The following RHBG variants were observed in gnomAD, a reference collection of about 807,000 sequenced individuals.
RHBG encodes the protein ammonium transporter Rh type B.
Under a neutral mutation model 40.1 loss-of-function variants are expected in RHBG, and 39 were observed. That is an observed-to-expected ratio of 0.97 (90% CI 0.75 to 1.27). RHBG has a LOEUF of 1.27. RHBG is among the 50% of genes most tolerant of loss of function. The pLI is 0.00. For missense variants in RHBG, 549 were observed against 588.1 expected (o/e 0.93, Z 0.69); for synonymous variants, 237 against 252.5 (o/e 0.94, Z 0.58).
intron 1 of RHBG, among the ~76,000 whole-genome samples, chr1:156,373,529 C>A (rs1202310755): frequency 1.3e-5 from 2 of 152,118 alleles, no homozygotes; most frequent in Non-Finnish European, 2.9e-5. Flanking sequence ...TGAGAGGTTG[C>A]CTTATTTCTT....
intron 4 of RHBG, 133 bp downstream of exon 4, chr1:156,378,532 CTG>C: frequency 9.2e-7 from 1 of 1,083,122 alleles, no homozygotes; most frequent in East Asian, 2.5e-5. Flanking sequence ...TTGGATTCTG[CTG>C]TGAGAGCTCT....
intron 1 of RHBG, among the ~76,000 whole-genome samples, chr1:156,376,792 C>T (rs1019548049): frequency 3.3e-5 from 5 of 152,084 alleles, no homozygotes; most frequent in African/African-American, 1.2e-4. Context: ...ATGATCATGC[C>T]GCTGCACTCT....
chr1:156,373,794 G>A (rs1322178976), intron 1 of RHBG, among the ~76,000 whole-genome samples: 1 of 152,176 alleles, frequency 6.6e-6, no homozygotes, highest in Non-Finnish European at 1.5e-5. Context: ...CTGTCCTTGA[G>A]CACAAGAATA....
chr1:156,382,237 C>T (rs754255218), intron 7 of RHBG, 36 bp downstream of exon 7: 2 of 1,613,376 alleles, frequency 1.2e-6, no homozygotes, highest in Non-Finnish European at 1.7e-6. Context: ...CAGTCGTCAT[C>T]CATCTGGAAT....
chr1:156,374,479 G>T, intron 1 of RHBG: 3 of 283,770 alleles, frequency 1.1e-5, no homozygotes, highest in Non-Finnish European at 1.4e-5. Flanking sequence ...CTTTTTTTTA[G>T]CTTCCACATA....
chr1:156,384,905 AG>A lies in RHBG; in HGVS notation c.*62del. ...TCGAAGATGCTGACTGGCTGCTACT[AG>A]GAAGTTCTTTTTGAGCTCCCATTCC... On this transcript the variant is annotated 3_prime_UTR_variant, in exon 10 of 10. Transcript: ENST00000537040. The A allele has an allele frequency of 8.7e-7, 1 of 1,143,172 alleles. No homozygotes were observed. The highest frequency in any genetic ancestry group is 1.3e-6 in the Non-Finnish European group (1 of 782,346). 70.8% of individuals were successfully genotyped at this position (1,143,172 alleles called of 1,614,324 possible).
At position 156,369,231 on chromosome 1, in the gene RHBG, C is replaced by A; in HGVS notation, c.-19C>A. 1 of 1,606,808 alleles carries A rather than the reference C, an allele frequency of 6.2e-7. No individual in the cohort carries two copies. Among genetic ancestry groups the A allele is most frequent in the South Asian group, 1.1e-5 (1 of 90,580 alleles). ...TCTGCCAAAGCCTGCGAGCGCCAGC[C>A]GAGATCGCAGCCCAACCCATGGCCG... On this transcript the variant is annotated 5_prime_UTR_variant, in exon 1 of 10. Transcript: ENST00000537040.
In RHBG at chr1:156,377,618, G is replaced by C. The variant is rs1048084439; in HGVS notation, c.374+131G>C. 1.0e-6 allele frequency: 1 copy of C among 959,402 alleles called. No individual in the cohort carries two copies. Among genetic ancestry groups the C allele is most frequent in the East Asian group, 2.6e-5 (1 of 38,092 alleles). The allele number at this position is 959,402 out of a possible 1,614,324, so 59.4% of individuals were successfully genotyped here. On this transcript the variant is annotated intron_variant, in intron 2 of 9. Transcript: ENST00000537040. The surrounding 1 kb of genome is among the most constrained non-coding windows in gnomAD (Gnocchi z 4.6). Reference sequence around the variant, plus strand: ...TTCTGGGCGTCACTTGGTTTCTCTAGGTGTCCTGCCTGTCCTTATTGCCTG... The same window carrying C: ...TTCTGGGCGTCACTTGGTTTCTCTACGTGTCCTGCCTGTCCTTATTGCCTG...
At position 156,384,099 on chromosome 1, in the gene RHBG, G is replaced by T. The variant is rs533009936; in HGVS notation, c.1235-428G>T. Among the ~76,000 whole-genome samples the T allele has an allele frequency of 1.4e-4, 21 of 152,224 alleles. No homozygotes were observed. The South Asian group carries it at 3.3e-3, about 24-fold the overall frequency. ...CCCATCTGCCTCAGCCTCCCAAAGT[G>T]CTGGGATTATAGGCGTGAGCCACTG... On this transcript the variant is annotated intron_variant, in intron 8 of 9. Transcript: ENST00000537040.
chr1:156,374,564 G>A (rs2101764393), intron 1 of RHBG: 1 of 432,588 alleles, frequency 2.3e-6, no homozygotes, highest in South Asian at 1.6e-5. Flanking sequence ...TTCCATCCAT[G>A]TTGCCACGAA....
rs1454023084 is a variant in RHBG at position 156,384,947 on chromosome 1, G to T, written c.*102G>T. ...CTCCCATTCCTCCAGCTGCAAGAAG[G>T]GAGCCATGAGCCAGAAGGAGGCCCC... On this transcript the variant is annotated 3_prime_UTR_variant, in exon 10 of 10. Coordinates refer to ENST00000537040, the MANE Select transcript of RHBG (RefSeq NM_020407.5). The T allele has an allele frequency of 9.5e-6, 7 of 739,342 alleles. No homozygotes were observed. In the East Asian group the frequency reaches 1.9e-4, roughly 20 times the overall value. The allele number at this position is 739,342 out of a possible 1,614,324, so 45.8% of individuals were successfully genotyped here. A position where few individuals can be genotyped will look rare whatever the true frequency, so the allele number is the denominator to read the frequency against.
chr1:156,380,380 C>T (rs914264306), intron 4 of RHBG, among the ~76,000 whole-genome samples: 1 of 151,904 alleles, frequency 6.6e-6, no homozygotes, highest in Admixed American at 6.6e-5. Context: ...GGATTATAGG[C>T]ATGACCCACT....
At chr1:156,383,892 G>A (rs1409345581) in intron 8 of RHBG, among the ~76,000 whole-genome samples, 1 of 136,230 alleles carries the variant, frequency 7.3e-6, no homozygotes, top group African/African-American at 2.7e-5. Flanking sequence ...GGAGTGCAAT[G>A]GCATGATCTC....
At chr1:156,372,049 C>T (rs1443242971) in intron 1 of RHBG, among the ~76,000 whole-genome samples, 1 of 152,160 alleles carries the variant, frequency 6.6e-6, no homozygotes, top group African/African-American at 2.4e-5. Context: ...GTCCTTGTGC[C>T]CAAGGGAAGG....
At chr1:156,378,980 C>CCTG (rs1458426768) in intron 4 of RHBG, among the ~76,000 whole-genome samples, 2 of 151,754 alleles carry the variant, frequency 1.3e-5, no homozygotes, top group Non-Finnish European at 1.5e-5. Context: ...GTCATCACCA[C>CCTG]CTGCTGCTTC....
rs529827387 is a variant in RHBG, at chr1:156,374,307, G to C, written c.188-2994G>C. Among the ~76,000 whole-genome samples the C allele has an allele frequency of 7.9e-5, 12 of 152,240 alleles. No homozygotes were observed. The South Asian group carries it at 2.5e-3, about 32-fold the overall frequency. Reference sequence around the variant, plus strand: ...GGAAACTGGTGCCTGGTGCCAAAAAGGTTGGGGATCGCTAGGTATAGATCA... The same window carrying C: ...GGAAACTGGTGCCTGGTGCCAAAAACGTTGGGGATCGCTAGGTATAGATCA... On this transcript the variant is annotated intron_variant, in intron 1 of 9. Coordinates refer to ENST00000537040, the MANE Select transcript of RHBG (RefSeq NM_020407.5).
chr1:156,374,132 A>G (rs183565714), intron 1 of RHBG, among the ~76,000 whole-genome samples: 235 of 152,316 alleles, frequency 1.5e-3, no homozygotes, highest in African/African-American at 5.5e-3. Flanking sequence ...TTATGGCTGC[A>G]TTAGACTCTT....
At chr1:156,370,715 G>A (rs954621610) in intron 1 of RHBG, among the ~76,000 whole-genome samples, 14 of 151,568 alleles carry the variant, frequency 9.2e-5, no homozygotes, top group South Asian at 2.1e-4. Flanking sequence ...GCATGGCAGC[G>A]TCATTAGTCC....
chr1:156,384,766 C>A lies in RHBG; in HGVS notation c.1309-11C>A. On this transcript the variant is annotated splice_polypyrimidine_tract_variant and intron_variant, in intron 9 of 9. Coordinates refer to ENST00000537040, the MANE Select transcript of RHBG (RefSeq NM_020407.5). ...GCTACCCTTTCACCTCTACCCACTC[C>A]TGCCTTCCAGGTGCCTGGCGAGCAT... is the stretch of plus-strand genomic sequence containing the variant. 1.2e-6 allele frequency: 2 copies of A among 1,613,904 alleles called. No individual in the cohort carries two copies. Among genetic ancestry groups the A allele is most frequent in the Non-Finnish European group, 1.7e-6 (2 of 1,179,832 alleles).
Sources: gnomAD v4.1 joint callset for allele counts (sites outside exome capture counted in the v4.1 genomes callset) on GRCh38, gnomAD v4.1.1 for gene constraint, Gnocchi (gnomAD v3.1) non-coding constraint, MANE v1.5 for transcripts, NCBI Gene and HGNC (gene_info 2026-07-23, HGNC 2026-07-21) for gene names.